TRIM9: variants seen among roughly 807,000 people sequenced by gnomAD.
TRIM9 encodes the protein tripartite motif containing 9, also known as E3 ubiquitin-protein ligase TRIM9.
Under a neutral mutation model 78.3 loss-of-function variants are expected in TRIM9, and 26 were observed. The ratio of observed to expected loss-of-function variants is 0.33; its 90% CI spans 0.24 to 0.46. The LOEUF is 0.46. TRIM9 is among the 20% of genes least tolerant of loss of function. TRIM9 has a pLI of 1.00. For synonymous variants in TRIM9, 398 were observed against 416.5 expected, an observed-to-expected ratio of 0.96 and a Z score of 0.54; for missense variants, 787 against 1,036.4, an observed-to-expected ratio of 0.76 and a Z score of 3.30.
intron 5 of TRIM9, among the ~76,000 whole-genome samples, chr14:51,003,328 ATTAG>A (rs2055334471): frequency 6.6e-6 from 1 of 152,164 alleles, no homozygotes; most frequent in Non-Finnish European, 1.5e-5. Context: ...AACTGTCCTT[ATTAG>A]TTAGCGCCCA....
At chr14:51,012,741 A>C (rs1366211520) in intron 3 of TRIM9, among the ~76,000 whole-genome samples, 1 of 152,232 alleles carries the variant, frequency 6.6e-6, no homozygotes. Context: ...ATTTTTAAAA[A>C]TATAGCCATC....
intron 1 of TRIM9, 43 bp from the exon 2 acceptor site, chr14:51,025,403 A>C (rs1369648683): frequency 2.1e-6 from 2 of 955,070 alleles, no homozygotes; most frequent in South Asian, 3.1e-5. Flanking sequence ...TAATCACAGG[A>C]TACACCAACA....
At chr14:51,083,403 C>T (rs1337666552) in intron 1 of TRIM9, among the ~76,000 whole-genome samples, 2 of 150,644 alleles carry the variant, frequency 1.3e-5, no homozygotes, top group Non-Finnish European at 1.5e-5. Context: ...TACAGGCATG[C>T]GCCACCATGC....
At chr14:51,068,751 C>T (rs923943703) in intron 1 of TRIM9, among the ~76,000 whole-genome samples, 2 of 152,130 alleles carry the variant, frequency 1.3e-5, no homozygotes, top group African/African-American at 4.8e-5. Flanking sequence ...TGTGATGAGG[C>T]CAGCCCATGT....
intron 1 of TRIM9, among the ~76,000 whole-genome samples, chr14:51,080,855 C>T (rs1354497706): frequency 6.6e-6 from 1 of 152,148 alleles, no homozygotes; most frequent in Non-Finnish European, 1.5e-5. Context: ...ATCCAGGGAC[C>T]CTGATAAAGA....
chr14:51,093,384 G>C (rs772386255), intron 1 of TRIM9, among the ~76,000 whole-genome samples: 2 of 152,234 alleles, frequency 1.3e-5, no homozygotes, highest in Non-Finnish European at 2.9e-5. Flanking sequence ...AGATGCACCT[G>C]TCTGGCTTCC....
At chr14:51,000,255 T>C (rs1317216959) in intron 6 of TRIM9, among the ~76,000 whole-genome samples, 5 of 152,220 alleles carry the variant, frequency 3.3e-5, no homozygotes, top group Non-Finnish European at 7.3e-5. Context: ...TAATGAACGC[T>C]TGCTATGTTC....
At chr14:51,027,118 A>C (rs2058306674) in intron 1 of TRIM9, among the ~76,000 whole-genome samples, 1 of 147,826 alleles carries the variant, frequency 6.8e-6, no homozygotes, top group African/African-American at 2.5e-5. Context: ...TGCTTAATAA[A>C]TGCTGGCTGT....
chr14:51,075,551 A>T (rs1237895148), intron 1 of TRIM9, among the ~76,000 whole-genome samples: 1 of 152,154 alleles, frequency 6.6e-6, no homozygotes. Flanking sequence ...ATACCCACTG[A>T]GGGCTGCATT....
intron 11 of TRIM9, among the ~76,000 whole-genome samples, chr14:50,981,289 C>T (rs546679807): frequency 6.6e-6 from 1 of 152,240 alleles, no homozygotes; most frequent in East Asian, 1.9e-4. Context: ...AAATTGGCAT[C>T]CATAAGCTTT....
intron 1 of TRIM9, among the ~76,000 whole-genome samples, chr14:51,031,377 A>G (rs1440207566): frequency 2.0e-5 from 3 of 151,988 alleles, no homozygotes; most frequent in African/African-American, 7.3e-5. Context: ...CTGCCAAAAG[A>G]ATTCGATGTT....
intron 3 of TRIM9, among the ~76,000 whole-genome samples, chr14:51,016,938 G>C (rs565346367): frequency 5.3e-4 from 81 of 152,334 alleles, no homozygotes; most frequent in African/African-American, 1.8e-3. Flanking sequence ...TGAAGTGTTT[G>C]TTCTCCATGC....
intron 1 of TRIM9, among the ~76,000 whole-genome samples, chr14:51,059,474 G>T (rs372619396): frequency 1.3e-5 from 2 of 149,012 alleles, no homozygotes; most frequent in South Asian, 2.1e-4. Flanking sequence ...ACAATGAAGA[G>T]AATGAAAAAA....
At chr14:51,039,336 C>T (rs1303073872) in intron 1 of TRIM9, among the ~76,000 whole-genome samples, 2 of 152,190 alleles carry the variant, frequency 1.3e-5, no homozygotes, top group Non-Finnish European at 2.9e-5. Context: ...GACTTGCATA[C>T]GATGTTCATA....
At chr14:50,997,686 A>G (rs2139477528) in intron 7 of TRIM9, 2 of 1,142,252 alleles carry the variant, frequency 1.8e-6, no homozygotes, top group Non-Finnish European at 2.2e-6. Flanking sequence ...AAACTGGCAC[A>G]TGATGTGTAT....
chr14:51,057,316 C>T (rs561067072), intron 1 of TRIM9, among the ~76,000 whole-genome samples: 110 of 152,288 alleles, frequency 7.2e-4, no homozygotes, highest in Admixed American at 2.2e-3. Flanking sequence ...TAAAATGCTG[C>T]TTTTGTCTTC....
intron 1 of TRIM9, among the ~76,000 whole-genome samples, chr14:51,042,779 G>T (rs1282257021): frequency 1.3e-5 from 2 of 152,072 alleles, no homozygotes; most frequent in Admixed American, 6.6e-5. Context: ...CATGAGCTTT[G>T]CCAGGACCCC....
chr14:51,019,696 T>A (rs139005603), intron 3 of TRIM9, among the ~76,000 whole-genome samples: 3 of 152,172 alleles, frequency 2.0e-5, no homozygotes, highest in Admixed American at 1.3e-4. Flanking sequence ...ACAGTTAATA[T>A]ACATTAAAGA....
intron 1 of TRIM9, among the ~76,000 whole-genome samples, chr14:51,086,475 A>T (rs957180940): frequency 2.6e-5 from 4 of 152,216 alleles, no homozygotes; most frequent in Admixed American, 2.0e-4. Context: ...GAAATTTAAA[A>T]TACCGGGTTA....
Sources: gnomAD v4.1 joint callset for allele counts (sites outside exome capture counted in the v4.1 genomes callset) on GRCh38, gnomAD v4.1.1 for gene constraint, MANE v1.5 for transcripts, NCBI Gene and HGNC (gene_info 2026-07-23, HGNC 2026-07-21) for gene names.